Variants in GPR19 observed in about 807,000 individuals in gnomAD.
GPR19 encodes the protein probable G protein-coupled receptor 19.
GPR19 carries 14 observed loss-of-function variants against 28.5 expected under a neutral mutation model. That is an observed-to-expected ratio of 0.49 (90% CI 0.32 to 0.77). The LOEUF (loss-of-function observed/expected upper bound fraction) is 0.77. Ranked by LOEUF, GPR19 falls within the 30% of genes least tolerant of loss-of-function variation. GPR19 has a pLI of 0.03. For synonymous variants in GPR19, 173 were observed against 184.1 expected (o/e 0.94, Z 0.49); for missense variants, 409 against 504.1 (o/e 0.81, Z 1.81).
intron 2 of GPR19, among the ~76,000 whole-genome samples, chr12:12,693,015 C>G (rs1197470681): frequency 6.6e-6 from 1 of 152,052 alleles, no homozygotes; most frequent in African/African-American, 2.4e-5. Flanking sequence ...CCTTTTTTGT[C>G]TTATATTCAA....
upstream of GPR19, among the ~76,000 whole-genome samples, chr12:12,696,483 G>A (rs565877705): frequency 1.5e-3 from 231 of 152,032 alleles, 1 homozygote; most frequent in Non-Finnish European, 2.4e-3. Context: ...CTCTGGGGCC[G>A]AGGAATTCCA....
intron 2 of GPR19, chr12:12,688,390 A>G (rs1157745674): frequency 6.6e-6 from 1 of 152,156 alleles, no homozygotes; most frequent in Non-Finnish European, 1.5e-5. Context: ...GAAACAAGTT[A>G]TAAGATATTA....
Position 12,661,027 on chromosome 12 carries a change from C to T in GPR19, c.*174G>A. The T allele has an allele frequency of 3.7e-6, 2 of 542,832 alleles. No homozygotes were observed. Among genetic ancestry groups the T allele is most frequent in the Non-Finnish European group, 6.4e-6 (2 of 314,732 alleles). The allele number at this position is 542,832 out of a possible 1,614,324, so 33.6% of individuals were successfully genotyped here. ...TTCAAAGTGAACGCTTTTCCTAAAA[C>T]ATAAAAAGCAAGTAAAATAAAACCC... On this transcript the variant is annotated 3_prime_UTR_variant, in exon 4 of 4. Transcript: ENST00000651487. The surrounding 1 kb of genome is among the most constrained non-coding windows in gnomAD (Gnocchi z 4.2).
At chr12:12,685,449 C>A (rs1276152220) in intron 2 of GPR19, among the ~76,000 whole-genome samples, 1 of 152,160 alleles carries the variant, frequency 6.6e-6, no homozygotes, top group African/African-American at 2.4e-5. Flanking sequence ...AGGGAGGGAG[C>A]CTGCTTGGAG....
At chr12:12,678,957 C>T (rs548966119) in intron 3 of GPR19, among the ~76,000 whole-genome samples, 269 of 152,216 alleles carry the variant, frequency 1.8e-3, no homozygotes, top group African/African-American at 5.8e-3. Context: ...CCACCACGCC[C>T]AGCTAATTTT....
At chr12:12,708,121 T>C in the GPR19 span, among the ~76,000 whole-genome samples, 1 of 146,598 alleles carries the variant, frequency 6.8e-6, no homozygotes, top group East Asian at 2.2e-4. Flanking sequence ...CACCTCAGCC[T>C]CCTGAGTAGC....
At chr12:12,704,955 A>T in the GPR19 span, among the ~76,000 whole-genome samples, 1 of 152,164 alleles carries the variant, frequency 6.6e-6, no homozygotes, top group South Asian at 2.1e-4. Context: ...TCTTATCCTG[A>T]GTTATGGAAA....
At chr12:12,695,419 CCATCGGAAGGAGG>C (rs1207655526) in intron 2 of GPR19, 27 bp downstream of exon 2, 5 of 152,156 alleles carry the variant, frequency 3.3e-5, no homozygotes, top group Non-Finnish European at 7.3e-5. Flanking sequence ...CCAGGAGGCT[CCATCGGAAGGAGG>C]CAGACACTTC....
Position 12,662,137 on chromosome 12 carries a change from C to T in GPR19, c.312G>A (p.Val104=). 24 of 1,614,224 alleles carry T rather than the reference C, an allele frequency of 1.5e-5. No individual in the cohort carries two copies. Among genetic ancestry groups the T allele is most frequent in the Non-Finnish European group, 1.5e-5 (18 of 1,180,028 alleles). The stretch of plus-strand genomic sequence containing the variant: ...GAAGGTCAGCACATGCCATGGAGAC[C>T]ACAAAGTAGTTGGTGGTAGACTGAG... The part of the protein sequence containing the change: ...RRTQSTTNYF[V]VSMACADLLI... Residue 104 remains valine, a synonymous_variant, in exon 4 of 4, where the codon GTG becomes GTA. Coordinates refer to ENST00000651487, the MANE Select transcript of GPR19 (RefSeq NM_006143.3).
At position 12,662,311 on chromosome 12, in the gene GPR19, C is replaced by T; in HGVS notation, c.138G>A (p.Glu46=). ...CTGTTTGGTTGCTCATCCAACTGTG[C>T]TCCTCACTTAATTCCATCAGGTATT... ...PSQYLMELSE[E]HSWMSNQTDL... Residue 46 remains glutamate (E), a synonymous_variant, in exon 4 of 4, where the codon GAG becomes GAA. Transcript: ENST00000651487. 3 of 1,614,240 alleles carry T rather than the reference C, an allele frequency of 1.9e-6. No homozygotes were observed. Among genetic ancestry groups the T allele is most frequent in the East Asian group, 2.2e-5 (1 of 44,888 alleles).
At chr12:12,706,468 C>G in the GPR19 span, among the ~76,000 whole-genome samples, 1 of 152,208 alleles carries the variant, frequency 6.6e-6, no homozygotes, top group Non-Finnish European at 1.5e-5. Context: ...TATCTAGTCT[C>G]ATAGCTTTAA....
chr12:12,667,200 G>A (rs10845601), intron 3 of GPR19, among the ~76,000 whole-genome samples: 43,320 of 152,044 alleles, frequency 0.28, 7,330 homozygotes, highest in Non-Finnish European at 0.39. Flanking sequence ...TTTCCTGTTC[G>A]ACCTATCTCT....
intron 3 of GPR19, among the ~76,000 whole-genome samples, chr12:12,668,362 T>A (rs974553175): frequency 2.6e-5 from 4 of 152,114 alleles, no homozygotes; most frequent in Admixed American, 2.0e-4. Flanking sequence ...TTTTTGAAAA[T>A]CATACTTTGT....
intron 3 of GPR19, among the ~76,000 whole-genome samples, chr12:12,666,320 A>G (rs1249124372): frequency 3.3e-5 from 5 of 152,220 alleles, no homozygotes; most frequent in African/African-American, 4.8e-5. Flanking sequence ...GAATATTAGC[A>G]TATCCAGAAT....
Position 12,662,162 on chromosome 12 carries a change from GTCC to G in GPR19, c.284_286del (p.Arg95del). ...CACAAAGTAGTTGGTGGTAGACTGA[GTCC>G]TCCTACTCCTATGGATGACCAAACA... On this transcript the variant is annotated inframe_deletion, in exon 4 of 4. Transcript: ENST00000651487. The G allele has an allele frequency of 6.2e-7, 1 of 1,614,260 alleles. No individual in the cohort carries two copies. The highest frequency in any genetic ancestry group is 8.5e-7 in the Non-Finnish European group (1 of 1,180,034).
chr12:12,697,153 T>TAAAAAAAAAAAAAAAAAAAAAAA (rs386375639), upstream of GPR19, among the ~76,000 whole-genome samples: 8 of 48,848 alleles, frequency 1.6e-4, 4 homozygotes, highest in Non-Finnish European at 2.1e-4. Flanking sequence ...TGAAGCGAAG[T>TAAAAAAAAAAAAAAAAAAAAAAA]AAAAAAAAAA....
intron 3 of GPR19, among the ~76,000 whole-genome samples, chr12:12,668,549 C>A (rs1165297590): frequency 6.6e-6 from 1 of 151,590 alleles, no homozygotes; most frequent in Non-Finnish European, 1.5e-5. Flanking sequence ...ACTTTTTGTC[C>A]TCTTGAGATT....
chr12:12,679,963 C>A (rs1425618053), intron 3 of GPR19, among the ~76,000 whole-genome samples: 1 of 151,980 alleles, frequency 6.6e-6, no homozygotes, highest in South Asian at 2.1e-4. Flanking sequence ...ATGTCTGGAA[C>A]AAAGCAAGTG....
chr12:12,674,209 CAAAAAAA>C (rs35775784), intron 3 of GPR19, among the ~76,000 whole-genome samples: 1 of 53,996 alleles, frequency 1.9e-5, no homozygotes. Context: ...GACTTTGTCT[CAAAAAAA>C]AAAAAAAAAA....
Sources: allele counts gnomAD v4.1 joint callset (sites outside exome capture counted in the v4.1 genomes callset), GRCh38; gene constraint gnomAD v4.1.1; non-coding constraint Gnocchi (gnomAD v3.1); transcripts MANE v1.5; gene names NCBI Gene and HGNC (gene_info 2026-07-23, HGNC 2026-07-21).